The following OAS2 variants were observed in gnomAD, a reference collection of about 807,000 sequenced individuals.
The protein encoded by OAS2 is 2'-5'-oligoadenylate synthase 2.
Under a neutral mutation model 71.3 loss-of-function variants are expected in OAS2, and 67 were observed. The ratio of observed to expected loss-of-function variants is 0.94; its 90% CI spans 0.77 to 1.15. The LOEUF (loss-of-function observed/expected upper bound fraction) is 1.15. OAS2 is among the 50% of genes most tolerant of loss of function. OAS2 has a pLI of 0.00. For missense variants in OAS2, 789 were observed against 822.5 expected (o/e 0.96, Z 0.50); for synonymous variants, 327 against 321.8 (o/e 1.02, Z -0.17).
In OAS2 at chr12:112,987,173, C is replaced by A. The variant is rs1483458036; in HGVS notation, c.313C>A (p.Leu105Met). 13 of 1,614,188 alleles carry A rather than the reference C, an allele frequency of 8.1e-6. No individual in the cohort carries two copies. The highest frequency in any genetic ancestry group is 1.1e-5 in the Non-Finnish European group (13 of 1,180,030). Residue 105 changes from leucine (L) to methionine (M), a missense_variant, in exon 2 of 10, where the codon CTG (leucine) becomes ATG (methionine). Leu to Met is a conservative substitution (Grantham distance 15, BLOSUM62 2). Coordinates refer to ENST00000392583, the MANE Select transcript of OAS2 (RefSeq NM_002535.3). The stretch of plus-strand genomic sequence containing the variant: ...CATCCTCGATAAAACTGGGGATAAG[C>A]TGAAGTTCTGTCTGTTCACGAAGTG... ...RDILDKTGDK[L>M]KFCLFTKWLK...
At chr12:112,992,813 G>T (rs757283540) in intron 2 of OAS2, among the ~76,000 whole-genome samples, 25 of 152,102 alleles carry the variant, frequency 1.6e-4, no homozygotes, top group Non-Finnish European at 3.1e-4. Context: ...CAGGGTTGGG[G>T]GTGGGGGCCT....
chr12:112,998,376 A>G lies in OAS2; in HGVS notation c.974A>G (p.Asp325Gly). The G allele has an allele frequency of 6.2e-7, 1 of 1,611,352 alleles. No homozygotes were observed. The highest frequency in any genetic ancestry group is 8.5e-7 in the Non-Finnish European group (1 of 1,179,416). ...AQTWLTSPNL[D>G]NELPAPSWNV... Reference sequence around the variant, plus strand: ...ACCTGGTTGACTTCTCCCAACCTGGATAATGAGTTACCTGCACCATCTTGG... The same window carrying G: ...ACCTGGTTGACTTCTCCCAACCTGGGTAATGAGTTACCTGCACCATCTTGG... Residue 325 changes from aspartate to glycine, a missense_variant, in exon 5 of 10, where the codon GAT (aspartate) becomes GGT (glycine). Coordinates refer to ENST00000392583, the MANE Select transcript of OAS2 (RefSeq NM_002535.3).
chr12:113,006,245 T>C (rs1170293624), intron 7 of OAS2, among the ~76,000 whole-genome samples, 168 bp from the exon 8 acceptor site: 1 of 152,234 alleles, frequency 6.6e-6, no homozygotes, highest in Non-Finnish European at 1.5e-5. Context: ...TTTTTACATA[T>C]CTCATTATTC....
chr12:113,003,679 C>A (rs915476510), intron 6 of OAS2, among the ~76,000 whole-genome samples: 10 of 152,158 alleles, frequency 6.6e-5, no homozygotes, highest in African/African-American at 2.4e-4. Context: ...GATTTAGAGG[C>A]TTTTGTCATT....
At chr12:112,998,672 G>T (rs1002608478) in intron 5 of OAS2, among the ~76,000 whole-genome samples, 2 of 152,188 alleles carry the variant, frequency 1.3e-5, no homozygotes, top group African/African-American at 4.8e-5. Flanking sequence ...AGCTTCTGGT[G>T]GTTGCCAGCA....
In OAS2 at chr12:112,986,548, G is replaced by A. The variant is rs114713548; in HGVS notation, c.178-490G>A. 2.8e-3 allele frequency among the ~76,000 whole-genome samples: 433 copies of A among 152,296 alleles called. 3 individuals carry two copies. The highest frequency in any genetic ancestry group is 0.01 in the African/African-American group (418 of 41,566). ...GGGCCCATCCTTAGGCCTCTGGATG[G>A]TGTGTGCCTGTGCTGCTGGTGGTAA... On this transcript the variant is annotated intron_variant, in intron 1 of 9. Transcript: ENST00000392583.
intron 9 of OAS2, among the ~76,000 whole-genome samples, chr12:113,008,373 AAG>A (rs1313274631): frequency 1.3e-5 from 2 of 152,196 alleles, no homozygotes; most frequent in African/African-American, 4.8e-5. Flanking sequence ...GAGGAAAGGA[AAG>A]AGAGAAAATA....
intron 9 of OAS2, among the ~76,000 whole-genome samples, chr12:113,008,205 G>C (rs1426077272): frequency 6.6e-6 from 1 of 152,180 alleles, no homozygotes; most frequent in Non-Finnish European, 1.5e-5. Flanking sequence ...AGTTGGAAGT[G>C]TGTCCCTAAG....
intron 2 of OAS2, among the ~76,000 whole-genome samples, chr12:112,992,142 C>T (rs2044198057): frequency 6.6e-6 from 1 of 152,098 alleles, no homozygotes; most frequent in Non-Finnish European, 1.5e-5. Flanking sequence ...TGCCTATAAT[C>T]CCAGCGCTTT....
rs189287582 is a variant in OAS2 at position 113,009,016 on chromosome 12, A to G, written c.1896-71A>G. 11 of 1,557,344 alleles carry G rather than the reference A, an allele frequency of 7.1e-6. No homozygotes were observed. The East Asian group carries it at 1.8e-4, about 25-fold the overall frequency. On this transcript the variant is annotated intron_variant, in intron 9 of 9. Transcript: ENST00000392583. The stretch of plus-strand genomic sequence containing the variant: ...ACATTGTCTTATTGCTGAAAGTATT[A>G]TAGGATGGACCCCAAATTCTGAAGT...
At chr12:112,979,936 G>A (rs1178221166) in intron 1 of OAS2, among the ~76,000 whole-genome samples, 1 of 152,212 alleles carries the variant, frequency 6.6e-6, no homozygotes, top group South Asian at 2.1e-4. Context: ...AGCTGGGAAT[G>A]TAAACCAGGA....
At position 112,997,699 on chromosome 12, in the gene OAS2, C is replaced by A. The variant is rs764745342; in HGVS notation, c.807C>A (p.Tyr269Ter). 6.2e-7 allele frequency: 1 copy of A among 1,613,230 alleles called. No individual in the cohort carries two copies. Among genetic ancestry groups the A allele is most frequent in the Non-Finnish European group, 8.5e-7 (1 of 1,179,488 alleles). The change falls in exon 4 of 10, where the codon TAC becomes TAA. Residue 269 changes from tyrosine to a stop codon, truncating the protein, a stop_gained. Coordinates refer to ENST00000392583, the MANE Select transcript of OAS2 (RefSeq NM_002535.3). LOFTEE classifies it high-confidence loss of function. ...TGTGTATCTATTGGATGGTCAACTA[C>A]AACTTTGAAGATGAGACCATCAGGA... ...EKLCIYWMVN[Y>*]NFEDETIRNI...
At chr12:112,988,766 T>C in intron 2 of OAS2, 9 of 980,640 alleles carry the variant, frequency 9.2e-6, no homozygotes, top group Non-Finnish European at 1.1e-5. Flanking sequence ...CCCTACCCTG[T>C]AACAAAGTCG....
rs769469092 is a variant in OAS2 at position 113,010,500 on chromosome 12, C to T, written c.*1245C>T. On this transcript the variant is annotated 3_prime_UTR_variant, in exon 10 of 10. Transcript: ENST00000392583. ...AAACTTCTAGAGATCATCTGGCAAT[C>T]GCTTTTAAAGACTCGGCTCACCGTG... The T allele has an allele frequency of 2.5e-5, 40 of 1,611,150 alleles. No individual in the cohort carries two copies. In the Middle Eastern group the frequency reaches 9.9e-4, roughly 40 times the overall value.
chr12:112,989,571 A>G (rs1255656360), intron 2 of OAS2, among the ~76,000 whole-genome samples: 1 of 152,256 alleles, frequency 6.6e-6, no homozygotes, highest in African/African-American at 2.4e-5. Flanking sequence ...TGTCTGGGTT[A>G]TGATGATAAA....
chr12:112,986,581 G>A (rs572506781), intron 1 of OAS2, among the ~76,000 whole-genome samples: 9 of 152,246 alleles, frequency 5.9e-5, no homozygotes, highest in East Asian at 1.9e-4. Flanking sequence ...TAAAGAGGAC[G>A]GGTTAATCTC....
intron 2 of OAS2, chr12:112,988,400 G>GTTTC: frequency 6.2e-6 from 2 of 322,072 alleles, no homozygotes; most frequent in Non-Finnish European, 8.9e-6. Flanking sequence ...GAAAATGAAA[G>GTTTC]TGAGGTACAG....
At chr12:113,003,813 A>T (rs2044309248) in intron 6 of OAS2, among the ~76,000 whole-genome samples, 1 of 152,244 alleles carries the variant, frequency 6.6e-6, no homozygotes, top group Non-Finnish European at 1.5e-5. Context: ...ATGTACGCGT[A>T]AATTTCTGCG....
At chr12:112,988,395 T>A (rs1246325432) in intron 2 of OAS2, 1 of 332,532 alleles carries the variant, frequency 3.0e-6, no homozygotes, top group East Asian at 1.7e-4. Flanking sequence ...GTACTGAAAA[T>A]GAAAGTGAGG....
Sources: gnomAD v4.1 joint callset for allele counts (sites outside exome capture counted in the v4.1 genomes callset) on GRCh38, gnomAD v4.1.1 for gene constraint, MANE v1.5 for transcripts, NCBI Gene and HGNC (gene_info 2026-07-23, HGNC 2026-07-21) for gene names.